Variants in ADGRL3 observed in about 807,000 individuals in gnomAD.
ADGRL3 encodes the protein adhesion G protein-coupled receptor L3.
In ADGRL3, 62 loss-of-function variants were observed where a neutral mutation model predicts 153.5. The ratio of observed to expected loss-of-function variants is 0.40; its 90% CI spans 0.33 to 0.50. The LOEUF is 0.50. Ranked by LOEUF, ADGRL3 falls within the 20% of genes least tolerant of loss-of-function variation. The pLI, the probability that ADGRL3 is intolerant of heterozygous loss-of-function variation, is 0.47. For synonymous variants in ADGRL3, 710 were observed against 672.5 expected, an observed-to-expected ratio of 1.06 and a Z score of -0.86; for missense variants, 1,641 against 1,859.4, an observed-to-expected ratio of 0.88 and a Z score of 2.16.
intron 8 of ADGRL3, among the ~76,000 whole-genome samples, chr4:61,808,620 C>T (rs968269889): frequency 6.6e-6 from 1 of 151,992 alleles, no homozygotes; most frequent in Non-Finnish European, 1.5e-5. Flanking sequence ...TTATAAATGC[C>T]AGATGGTTAT....
chr4:61,645,244 G>C (rs1337539633), intron 5 of ADGRL3, among the ~76,000 whole-genome samples: 2 of 152,012 alleles, frequency 1.3e-5, no homozygotes, highest in Non-Finnish European at 2.9e-5. Flanking sequence ...TATCCAATTT[G>C]CCAGTCTGTG....
intron 8 of ADGRL3, among the ~76,000 whole-genome samples, chr4:61,737,345 C>G (rs551320484): frequency 1.3e-5 from 2 of 152,148 alleles, no homozygotes; most frequent in East Asian, 1.9e-4. Flanking sequence ...TTTTATGTCT[C>G]CTGTAAAAAG....
intron 11 of ADGRL3, among the ~76,000 whole-genome samples, chr4:61,896,567 T>C (rs928931528): frequency 3.3e-5 from 5 of 152,200 alleles, no homozygotes; most frequent in African/African-American, 1.2e-4. Flanking sequence ...CTGTGCCATT[T>C]GCTCTTTTCT....
intron 6 of ADGRL3, among the ~76,000 whole-genome samples, chr4:61,688,681 C>T (rs141204664): frequency 6.6e-5 from 10 of 152,216 alleles, no homozygotes; most frequent in African/African-American, 2.4e-4. Flanking sequence ...CCTAATTTAT[C>T]CTAGGATTTG....
At chr4:61,955,757 A>G (rs368235893) in intron 17 of ADGRL3, among the ~76,000 whole-genome samples, 1 of 151,616 alleles carries the variant, frequency 6.6e-6, no homozygotes, top group Non-Finnish European at 1.5e-5. Context: ...TCATTATTCA[A>G]CTCCTACTTA....
At chr4:61,218,637 C>A (rs1182727959) in intron 1 of ADGRL3, among the ~76,000 whole-genome samples, 1 of 152,168 alleles carries the variant, frequency 6.6e-6, no homozygotes, top group African/African-American at 2.4e-5. Flanking sequence ...GAGTGCTTCT[C>A]ATGCGACACA....
intron 8 of ADGRL3, among the ~76,000 whole-genome samples, chr4:61,751,988 G>T (rs1031300396): frequency 1.3e-5 from 2 of 152,088 alleles, no homozygotes; most frequent in African/African-American, 4.8e-5. Context: ...ATTTTAAAAA[G>T]TTATTTCCCA....
intron 21 of ADGRL3, among the ~76,000 whole-genome samples, chr4:62,007,513 T>C (rs978070486): frequency 2.1e-5 from 3 of 145,858 alleles, no homozygotes; most frequent in African/African-American, 7.6e-5. Flanking sequence ...CCTCCTCTGG[T>C]GATAGATTAC....
intron 1 of ADGRL3, among the ~76,000 whole-genome samples, chr4:61,377,187 C>A (rs2096613878): frequency 6.6e-6 from 1 of 151,962 alleles, no homozygotes; most frequent in Non-Finnish European, 1.5e-5. Flanking sequence ...GGTATAGTAT[C>A]ATATCCTAGC....
chr4:61,804,334 C>A (rs188805853), intron 8 of ADGRL3, among the ~76,000 whole-genome samples: 1 of 152,136 alleles, frequency 6.6e-6, no homozygotes, highest in African/African-American at 2.4e-5. Flanking sequence ...CTGGGCCATC[C>A]TCCTGACAGA....
intron 8 of ADGRL3, among the ~76,000 whole-genome samples, chr4:61,744,426 AC>A (rs1241596694): frequency 6.6e-6 from 1 of 151,902 alleles, no homozygotes; most frequent in African/African-American, 2.4e-5. Context: ...TGGGTCCCTG[AC>A]CCCTGACCCC....
chr4:61,887,728 C>T (rs575882075), intron 9 of ADGRL3, among the ~76,000 whole-genome samples: 1 of 152,258 alleles, frequency 6.6e-6, no homozygotes, highest in South Asian at 2.1e-4. Context: ...ACCTGTAGTT[C>T]CAGCTGCTCA....
At chr4:61,272,943 A>G (rs1348496733) in intron 1 of ADGRL3, among the ~76,000 whole-genome samples, 1 of 152,120 alleles carries the variant, frequency 6.6e-6, no homozygotes, top group African/African-American at 2.4e-5. Flanking sequence ...TCCTAGACTC[A>G]GAGTGGCTGG....
chr4:61,762,621 G>A (rs775904784), intron 8 of ADGRL3, among the ~76,000 whole-genome samples: 3 of 152,058 alleles, frequency 2.0e-5, no homozygotes, highest in Admixed American at 1.3e-4. Flanking sequence ...TTAAATAACT[G>A]TGAAAAAAAT....
intron 1 of ADGRL3, among the ~76,000 whole-genome samples, chr4:61,281,596 A>T (rs1010574561): frequency 2.6e-5 from 4 of 152,142 alleles, no homozygotes; most frequent in African/African-American, 9.7e-5. Context: ...GAATCTTCAG[A>T]TTAAGGTACT....
intron 4 of ADGRL3, among the ~76,000 whole-genome samples, chr4:61,523,765 G>T (rs2098544298): frequency 6.6e-6 from 1 of 152,008 alleles, no homozygotes; most frequent in Non-Finnish European, 1.5e-5. Context: ...TGACCTTCAA[G>T]TATTTCCAGA....
At chr4:61,542,146 A>T (rs2098693259) in intron 4 of ADGRL3, among the ~76,000 whole-genome samples, 1 of 152,198 alleles carries the variant, frequency 6.6e-6, no homozygotes, top group African/African-American at 2.4e-5. Context: ...GGATACTCTC[A>T]TAAAATGTTT....
At chr4:61,508,462 A>G (rs903021925) in intron 3 of ADGRL3, among the ~76,000 whole-genome samples, 1 of 152,224 alleles carries the variant, frequency 6.6e-6, no homozygotes, top group Non-Finnish European at 1.5e-5. Flanking sequence ...TAATGACTCT[A>G]ATGAGTAAAA....
intron 9 of ADGRL3, among the ~76,000 whole-genome samples, chr4:61,875,178 C>A (rs2098468313): frequency 6.6e-6 from 1 of 152,176 alleles, no homozygotes; most frequent in Non-Finnish European, 1.5e-5. Flanking sequence ...TGTAGACCTG[C>A]ACTTTGTCAC....
Sources: allele counts gnomAD v4.1 joint callset (sites outside exome capture counted in the v4.1 genomes callset), GRCh38; gene constraint gnomAD v4.1.1; transcripts MANE v1.5; gene names NCBI Gene and HGNC (gene_info 2026-07-23, HGNC 2026-07-21).